Variants in CAMTA1 observed in about 807,000 individuals in gnomAD.
The protein encoded by CAMTA1 is calmodulin-binding transcription activator 1.
In CAMTA1, 27 loss-of-function variants were observed where a neutral mutation model predicts 170.9. That is an observed-to-expected ratio of 0.16 (90% CI 0.12 to 0.22). The LOEUF is 0.22. CAMTA1 is among the 10% of genes least tolerant of loss of function. CAMTA1 has a pLI of 1.00. For synonymous variants in CAMTA1, 833 were observed against 891.5 expected (o/e 0.93, Z 1.17); for missense variants, 1,619 against 2,217.2 (o/e 0.73, Z 5.42).
intron 4 of CAMTA1, among the ~76,000 whole-genome samples, chr1:7,140,420 C>T (rs1645823861): frequency 6.6e-6 from 1 of 152,200 alleles, no homozygotes; most frequent in Non-Finnish European, 1.5e-5. Flanking sequence ...CACCCCTCCC[C>T]CAAGCCCTTA....
intron 6 of CAMTA1, among the ~76,000 whole-genome samples, chr1:7,513,926 A>AACACATACACACACAC (rs151035049): frequency 6.6e-5 from 10 of 151,482 alleles, no homozygotes; most frequent in African/African-American, 1.2e-4. Flanking sequence ...CCGTCTCAAA[A>AACACATACACACACAC]ACACATACAC....
chr1:7,769,527 G>C lies in CAMTA1; in HGVS notation c.*3036G>C, dbSNP rs1577557134. The C allele has an allele frequency of 6.6e-6, 1 of 152,594 alleles. No homozygotes were observed. The highest frequency in any genetic ancestry group is 2.1e-4 in the South Asian group (1 of 4,810). 9.5% of individuals were successfully genotyped at this position (152,594 alleles called of 1,614,324 possible). A position where few individuals can be genotyped will look rare whatever the true frequency, so the allele number is the denominator to read the frequency against. ...ACTAGTCTAGATGTCTTCTTTTTTT[G>C]TAAGTTTTATTTTTGTAATTGTGCA... On this transcript the variant is annotated 3_prime_UTR_variant, in exon 23 of 23. Coordinates refer to ENST00000303635, the MANE Select transcript of CAMTA1 (RefSeq NM_015215.4).
intron 6 of CAMTA1, among the ~76,000 whole-genome samples, chr1:7,535,037 G>A (rs892868474): frequency 1.3e-5 from 2 of 152,202 alleles, no homozygotes; most frequent in Non-Finnish European, 2.9e-5. Flanking sequence ...AGTCAAGGGA[G>A]ATGGCTGGGA....
rs1489491395 is a variant in CAMTA1, at chr1:7,634,043, G to A, written c.511-6357G>A. ...GGCCAGCAAGAAGCACAGGTGGCCC[G>A]GCCTGGAACCGTGGCAGGAGTGTGG... On this transcript the variant is annotated intron_variant, in intron 6 of 22. Coordinates refer to ENST00000303635, the MANE Select transcript of CAMTA1 (RefSeq NM_015215.4). This position sits in a 1 kb window ranked among gnomAD's most constrained non-coding sequence, Gnocchi z 6.2. Among the ~76,000 whole-genome samples the A allele has an allele frequency of 2.0e-5, 3 of 152,310 alleles. No individual in the cohort carries two copies. Among genetic ancestry groups the A allele is most frequent in the African/African-American group, 4.8e-5 (2 of 41,570 alleles).
In CAMTA1 at chr1:7,547,604, C is replaced by G. The variant is rs779200712; in HGVS notation, c.510+79703C>G. On this transcript the variant is annotated intron_variant, in intron 6 of 22. Transcript: ENST00000303635. This position sits in a 1 kb window ranked among gnomAD's most constrained non-coding sequence, Gnocchi z 5.7. ...GATGATTTAAATCAAGCTTGTCCAA[C>G]CCATGGCTTGTGGGCTGCCTGTGGC... 2.6e-5 allele frequency among the ~76,000 whole-genome samples: 4 copies of G among 152,152 alleles called. No individual in the cohort carries two copies. The highest frequency in any genetic ancestry group is 5.9e-5 in the Non-Finnish European group (4 of 68,032).
In CAMTA1 at chr1:7,115,454, A is replaced by C. The variant is rs1164686745; in HGVS notation, c.302+24083A>C. On this transcript the variant is annotated intron_variant, in intron 4 of 22. Coordinates refer to ENST00000303635, the MANE Select transcript of CAMTA1 (RefSeq NM_015215.4). ...GTGTGAGTCCGAAAACCTGAGACCCAGGAGAGCTGATGGTGGTGTTCCAGT... is the reference window on the plus strand; with the variant it reads ...GTGTGAGTCCGAAAACCTGAGACCCCGGAGAGCTGATGGTGGTGTTCCAGT... 5.8e-3 allele frequency among the ~76,000 whole-genome samples: 266 copies of C among 45,542 alleles called. 5 individuals carry two copies. The highest frequency in any genetic ancestry group is 0.017 in the Admixed American group (62 of 3,642). 29.9% of individuals were successfully genotyped at this position (45,542 alleles called of 152,430 possible).
chr1:7,415,573 G>C (rs1031943429), intron 5 of CAMTA1, among the ~76,000 whole-genome samples: 1 of 151,828 alleles, frequency 6.6e-6, no homozygotes, highest in Admixed American at 6.6e-5. Flanking sequence ...CAGAGACTAG[G>C]ATTGCAACCC....
chr1:7,394,831 G>GTGTC (rs2089124857), intron 5 of CAMTA1, among the ~76,000 whole-genome samples: 2 of 146,224 alleles, frequency 1.4e-5, no homozygotes, highest in Non-Finnish European at 3.0e-5. Context: ...GTGTGTGTGT[G>GTGTC]TGTGTGTGTG....
At chr1:7,683,984 G>A (rs2096236497) in intron 11 of CAMTA1, among the ~76,000 whole-genome samples, 1 of 152,172 alleles carries the variant, frequency 6.6e-6, no homozygotes, top group South Asian at 2.1e-4. Context: ...ATCCTCCTGG[G>A]ACAGTGACTT....
chr1:7,104,123 AC>A (rs1414576885), intron 4 of CAMTA1, among the ~76,000 whole-genome samples: 1,815 of 58,154 alleles, frequency 0.031, 41 homozygotes, highest in African/African-American at 0.1. Flanking sequence ...TACACACAAC[AC>A]ACATAACTAC....
chr1:7,596,333 A>G (rs1450285937), intron 6 of CAMTA1, among the ~76,000 whole-genome samples: 2 of 152,248 alleles, frequency 1.3e-5, no homozygotes, highest in Non-Finnish European at 1.5e-5. Context: ...GCTCCATGCC[A>G]GGTGCAGCTG....
chr1:7,339,886 T>C (rs557900678), intron 5 of CAMTA1, among the ~76,000 whole-genome samples: 4 of 152,300 alleles, frequency 2.6e-5, no homozygotes, highest in African/African-American at 9.6e-5. Flanking sequence ...CATAAACCAC[T>C]GCACCCAGCT....
chr1:7,704,747 C>G (rs980861257), intron 11 of CAMTA1, among the ~76,000 whole-genome samples: 8 of 147,860 alleles, frequency 5.4e-5, no homozygotes, highest in African/African-American at 7.3e-5. Context: ...CCCGGAGCCC[C>G]GCGAGTCGTT....
chr1:7,709,830 C>A (rs576718630), intron 11 of CAMTA1, among the ~76,000 whole-genome samples: 1 of 152,210 alleles, frequency 6.6e-6, no homozygotes, highest in South Asian at 2.1e-4. Flanking sequence ...AGCATGGTCA[C>A]CATCATCAGA....
chr1:7,151,900 G>A (rs1028540985), intron 4 of CAMTA1, among the ~76,000 whole-genome samples: 3 of 152,056 alleles, frequency 2.0e-5, no homozygotes, highest in Non-Finnish European at 2.9e-5. Context: ...TCCATTATAC[G>A]TTATAATGTG....
chr1:7,227,920 C>T (rs116459436), intron 4 of CAMTA1, among the ~76,000 whole-genome samples: 3,957 of 152,258 alleles, frequency 0.026, 80 homozygotes, highest in African/African-American at 0.063. Flanking sequence ...AGGGCCAAGG[C>T]GGGAGCCCCA....
chr1:6,863,981 T>A (rs1000625548), intron 3 of CAMTA1, among the ~76,000 whole-genome samples: 1 of 152,206 alleles, frequency 6.6e-6, no homozygotes, highest in African/African-American at 2.4e-5. Context: ...TTCTTCAATT[T>A]GGATTTGTCT....
chr1:7,510,909 C>T (rs1366008253), intron 6 of CAMTA1, among the ~76,000 whole-genome samples: 2 of 144,890 alleles, frequency 1.4e-5, no homozygotes, highest in Admixed American at 1.4e-4. Context: ...GCCAGCGTGA[C>T]CCTGCCCCAT....
intron 7 of CAMTA1, among the ~76,000 whole-genome samples, chr1:7,660,371 C>T (rs72630555): frequency 0.25 from 38,754 of 152,044 alleles, 5,033 homozygotes; most frequent in Middle Eastern, 0.36. Context: ...CTGGCCTCTA[C>T]AAATAATTTT....
Sources: allele counts gnomAD v4.1 joint callset (sites outside exome capture counted in the v4.1 genomes callset), GRCh38; gene constraint gnomAD v4.1.1; non-coding constraint Gnocchi (gnomAD v3.1); transcripts MANE v1.5; gene names NCBI Gene and HGNC (gene_info 2026-07-23, HGNC 2026-07-21).